The following CHID1 variants were observed in gnomAD, a reference collection of about 807,000 sequenced individuals.
CHID1 encodes chitinase domain-containing protein 1.
In CHID1, 44 loss-of-function variants were observed where a neutral mutation model predicts 55.4. The ratio of observed to expected loss-of-function variants is 0.79; its 90% CI spans 0.62 to 1.02. CHID1 has a LOEUF of 1.02. Ranked by LOEUF, CHID1 falls within the 50% of genes least tolerant of loss-of-function variation. The pLI is 0.00. For synonymous variants in CHID1, 216 were observed against 212.9 expected, an observed-to-expected ratio of 1.01 and a Z score of -0.13; for missense variants, 491 against 515.3, an observed-to-expected ratio of 0.95 and a Z score of 0.46.
chr11:895,015 G>A (rs921899936), intron 7 of CHID1, among the ~76,000 whole-genome samples: 4 of 152,150 alleles, frequency 2.6e-5, no homozygotes, highest in Admixed American at 2.0e-4. Context: ...CCGTCCTCAC[G>A]CCTCTGCAGC....
intron 1 of CHID1, among the ~76,000 whole-genome samples, chr11:906,061 C>A (rs1852188857): frequency 1.3e-5 from 2 of 152,014 alleles, no homozygotes; most frequent in African/African-American, 2.4e-5. Context: ...TGCCTGGAAT[C>A]CCAGCACTCT....
intron 10 of CHID1, among the ~76,000 whole-genome samples, chr11:874,118 G>A (rs1163964967): frequency 6.6e-6 from 1 of 152,204 alleles, no homozygotes; most frequent in Admixed American, 6.5e-5. Flanking sequence ...TGGGATGAGA[G>A]GCTTGCTCCA....
At chr11:891,003 G>A (rs1315739467) in intron 8 of CHID1, among the ~76,000 whole-genome samples, 1 of 152,192 alleles carries the variant, frequency 6.6e-6, no homozygotes, top group Non-Finnish European at 1.5e-5. Context: ...GGAGGTGAGT[G>A]ACAAGCACAA....
upstream of CHID1, among the ~76,000 whole-genome samples, chr11:914,024 C>T (rs911738409): frequency 4.6e-4 from 65 of 140,922 alleles, no homozygotes; most frequent in Middle Eastern, 4.1e-3. Context: ...GCCGAGATCG[C>T]GCCACTGCAC....
At chr11:892,511 AC>A (rs1850919281) in intron 8 of CHID1, among the ~76,000 whole-genome samples, 1 of 152,128 alleles carries the variant, frequency 6.6e-6, no homozygotes, top group African/African-American at 2.4e-5. Flanking sequence ...TCTGCTTTCC[AC>A]TTTCCAGGGT....
chr11:869,110 C>G lies in CHID1; in HGVS notation c.*748G>C, dbSNP rs1849007623. On this transcript the variant is annotated 3_prime_UTR_variant, in exon 13 of 13. Coordinates refer to ENST00000323578, the MANE Select transcript of CHID1 (RefSeq NM_023947.4). ...GCCTGCCAGCCACATGTCCTCTGCCCCACCCCTCGCTGGAAATGCCTGTCC... is the reference window on the plus strand; with the variant it reads ...GCCTGCCAGCCACATGTCCTCTGCCGCACCCCTCGCTGGAAATGCCTGTCC... The G allele has an allele frequency of 6.6e-6, 1 of 152,536 alleles. No homozygotes were observed. Among genetic ancestry groups the G allele is most frequent in the South Asian group, 2.1e-4 (1 of 4,840 alleles). The allele number at this position is 152,536 out of a possible 1,614,324, so 9.4% of individuals were successfully genotyped here.
At chr11:911,215 C>T (rs1220327661), upstream of CHID1, 1 of 151,744 alleles carries the variant, frequency 6.6e-6, no homozygotes, top group Non-Finnish European at 1.5e-5. Context: ...CCCCCGGGGA[C>T]CCGGAGTCAC....
intron 10 of CHID1, among the ~76,000 whole-genome samples, chr11:872,564 C>A (rs929574843): frequency 1.3e-5 from 2 of 152,220 alleles, no homozygotes; most frequent in African/African-American, 4.8e-5. Flanking sequence ...GGCCAGGCCC[C>A]TCAATGGCCA....
chr11:899,552 G>A (rs1179245875), intron 6 of CHID1, 151 bp from the exon 7 acceptor site: 4 of 696,874 alleles, frequency 5.7e-6, no homozygotes, highest in Non-Finnish European at 9.8e-6. Flanking sequence ...GCCCAGAAGG[G>A]CCTGTCTGAA....
chr11:880,703 G>C (rs931613604), intron 10 of CHID1, among the ~76,000 whole-genome samples: 1 of 152,148 alleles, frequency 6.6e-6, no homozygotes, highest in Non-Finnish European at 1.5e-5. Context: ...GCCTGGCCTC[G>C]GCTCACCTGC....
chr11:875,523 C>A lies in CHID1; in HGVS notation c.960-5024G>T, dbSNP rs547357637. On this transcript the variant is annotated intron_variant, in intron 10 of 12. Coordinates refer to ENST00000323578, the MANE Select transcript of CHID1 (RefSeq NM_023947.4). The surrounding 1 kb of genome is among the most constrained non-coding windows in gnomAD (Gnocchi z 4.7). ...GGCCCCGGGTGTGGAGAAGACCTGGCTCCTCGTCACTGGCTATCGGAGAGC... is the reference window on the plus strand; with the variant it reads ...GGCCCCGGGTGTGGAGAAGACCTGGATCCTCGTCACTGGCTATCGGAGAGC... Among the ~76,000 whole-genome samples, 1 of 152,294 alleles carries A rather than the reference C, an allele frequency of 6.6e-6. No individual in the cohort carries two copies. Among genetic ancestry groups the A allele is most frequent in the African/African-American group, 2.4e-5 (1 of 41,566 alleles).
intron 10 of CHID1, among the ~76,000 whole-genome samples, chr11:876,479 G>A (rs181738641): frequency 1.3e-4 from 20 of 152,192 alleles, no homozygotes; most frequent in Non-Finnish European, 1.3e-4. Context: ...AGACATTCAG[G>A]CGGAGGCAGG....
upstream of CHID1, among the ~76,000 whole-genome samples, chr11:913,844 C>T (rs1303176525): frequency 2.6e-5 from 4 of 151,186 alleles, no homozygotes; most frequent in Non-Finnish European, 4.4e-5. Flanking sequence ...GCAGGAGGAT[C>T]GCTTGAGCCC....
intron 1 of CHID1, among the ~76,000 whole-genome samples, chr11:910,480 G>A (rs1300600278): frequency 6.6e-6 from 1 of 151,962 alleles, no homozygotes; most frequent in Non-Finnish European, 1.5e-5. Flanking sequence ...CCCAGCGCAC[G>A]CGCTCCACCT....
At chr11:872,416 C>T (rs559404741) in intron 10 of CHID1, among the ~76,000 whole-genome samples, 1 of 152,346 alleles carries the variant, frequency 6.6e-6, no homozygotes, top group African/African-American at 2.4e-5. Flanking sequence ...CTCGGCCTCC[C>T]AAAGTGTTAG....
At chr11:886,158 GA>G (rs1477471768) in intron 8 of CHID1, among the ~76,000 whole-genome samples, 4 of 91,544 alleles carry the variant, frequency 4.4e-5, no homozygotes, top group African/African-American at 1.5e-4. Flanking sequence ...CTCAAAAAAA[GA>G]AAAAAAAAAA....
At chr11:898,431 C>T (rs1190439808) in intron 7 of CHID1, among the ~76,000 whole-genome samples, 3 of 152,244 alleles carry the variant, frequency 2.0e-5, no homozygotes, top group African/African-American at 7.2e-5. Context: ...TAGGGCTCTG[C>T]TGTCCAGGCA....
rs371419951 is a variant in CHID1 at position 869,974 on chromosome 11, T to C, written c.1084-18A>G. ...TGCAGGGACTGGGCACAGATGGAGG[T>C]GTGAGCACCTGCTGGGGCCTGTCCC... is the stretch of plus-strand genomic sequence containing the variant. On this transcript the variant is annotated intron_variant, in intron 12 of 12. Coordinates refer to ENST00000323578, the MANE Select transcript of CHID1 (RefSeq NM_023947.4). 7.4e-4 allele frequency: 1,191 copies of C among 1,611,506 alleles called. 1 individual carries two copies. Among genetic ancestry groups the C allele is most frequent in the Non-Finnish European group, 9.2e-4 (1,079 of 1,179,154 alleles).
chr11:883,977 C>A, intron 9 of CHID1, 91 bp downstream of exon 9: 18 of 980,566 alleles, frequency 1.8e-5, no homozygotes, highest in Middle Eastern at 2.3e-4. Context: ...GGCAAGAGGG[C>A]ATCAGCTGTG....
Sources: allele counts gnomAD v4.1 joint callset (sites outside exome capture counted in the v4.1 genomes callset), GRCh38; gene constraint gnomAD v4.1.1; non-coding constraint Gnocchi (gnomAD v3.1); transcripts MANE v1.5; gene names NCBI Gene and HGNC (gene_info 2026-07-23, HGNC 2026-07-21).